Variants in GLIS3 observed in about 807,000 individuals in gnomAD.
GLIS3 encodes the protein zinc finger protein GLIS3.
GLIS3 carries 53 observed loss-of-function variants against 78.6 expected under a neutral mutation model. That is an observed-to-expected ratio of 0.67 (90% CI 0.54 to 0.85). The LOEUF (loss-of-function observed/expected upper bound fraction) is 0.85. Among genes scored for constraint, GLIS3 ranks in the 40% least tolerant of loss-of-function variants. The pLI is 0.00. For missense variants in GLIS3, 1,703 were observed against 1,231.1 expected, an observed-to-expected ratio of 1.38 and a Z score of -5.74; for synonymous variants, 684 against 509.9, an observed-to-expected ratio of 1.34 and a Z score of -4.60.
chr9:3,900,636 T>C (rs572704841), intron 6 of GLIS3, among the ~76,000 whole-genome samples: 54 of 152,290 alleles, frequency 3.5e-4, no homozygotes, highest in African/African-American at 1.2e-3. Flanking sequence ...TATGCAACCA[T>C]TAAAATGGTA....
intron 6 of GLIS3, among the ~76,000 whole-genome samples, chr9:3,922,293 TA>T (rs140228820): frequency 0.032 from 4,916 of 152,282 alleles, 114 homozygotes; most frequent in Middle Eastern, 0.054. Context: ...GAGGGACCCA[TA>T]ATATGATTGC....
At chr9:4,389,614 C>G in the GLIS3 span, among the ~76,000 whole-genome samples, 1 of 152,192 alleles carries the variant, frequency 6.6e-6, no homozygotes, top group Non-Finnish European at 1.5e-5. Flanking sequence ...AAATATACTT[C>G]TTAGTCCTGG....
chr9:4,314,335 T>C (rs563676464), intron 2 of GLIS3, among the ~76,000 whole-genome samples: 1 of 152,224 alleles, frequency 6.6e-6, no homozygotes, highest in African/African-American at 2.4e-5. Context: ...GTCTTGGCAC[T>C]GTGTAGCTAC....
intron 4 of GLIS3, among the ~76,000 whole-genome samples, chr9:4,059,696 C>G (rs1258107731): frequency 2.0e-5 from 3 of 152,110 alleles, no homozygotes; most frequent in Non-Finnish European, 4.4e-5. Flanking sequence ...CTACTTTCTT[C>G]TCACTCTGAC....
At chr9:4,487,178 T>A in the GLIS3 span, among the ~76,000 whole-genome samples, 1 of 152,108 alleles carries the variant, frequency 6.6e-6, no homozygotes, top group African/African-American at 2.4e-5. Flanking sequence ...TTTTGTATTT[T>A]TAGTAGAGAT....
At chr9:4,246,182 A>C (rs1334930650) in intron 2 of GLIS3, among the ~76,000 whole-genome samples, 1 of 152,202 alleles carries the variant, frequency 6.6e-6, no homozygotes, top group Non-Finnish European at 1.5e-5. Context: ...AGCATGATGA[A>C]ACCCTGTCTC....
At chr9:4,385,209 C>CTG in the GLIS3 span, among the ~76,000 whole-genome samples, 1 of 152,158 alleles carries the variant, frequency 6.6e-6, no homozygotes, top group Non-Finnish European at 1.5e-5. Flanking sequence ...CTTCGATTTC[C>CTG]CACATTCCGT....
chr9:4,279,053 GCA>G (rs1234982030), intron 2 of GLIS3, among the ~76,000 whole-genome samples: 2 of 152,042 alleles, frequency 1.3e-5, no homozygotes, highest in Non-Finnish European at 2.9e-5. Flanking sequence ...TGTAATCCCA[GCA>G]CTTTGGGAGG....
the GLIS3 span, among the ~76,000 whole-genome samples, chr9:4,469,985 CA>C: frequency 6.6e-6 from 1 of 151,000 alleles, no homozygotes; most frequent in African/African-American, 2.4e-5. Flanking sequence ...AAACTACCAT[CA>C]GAGAACAGAA....
chr9:4,149,092 C>T (rs970232567), intron 2 of GLIS3, among the ~76,000 whole-genome samples: 2 of 152,118 alleles, frequency 1.3e-5, no homozygotes, highest in Non-Finnish European at 2.9e-5. Context: ...GCTTCCTCAC[C>T]AAGAACTTGT....
chr9:4,187,355 C>G lies in GLIS3; in HGVS notation c.389-61414G>C, dbSNP rs200373030. ...GCTCTGTTCTGTTCCATTGTTCTAT[C>G]TCTCTGTTTTGGTACCAGTACCATG... is the stretch of plus-strand genomic sequence containing the variant. On this transcript the variant is annotated intron_variant, in intron 2 of 10. Transcript: ENST00000381971. Among the ~76,000 whole-genome samples, 3 of 152,160 alleles carry G rather than the reference C, an allele frequency of 2.0e-5. No homozygotes were observed. In the East Asian group the frequency reaches 5.8e-4, roughly 29 times the overall value.
At chr9:3,855,590 T>G (rs1378671995) in intron 9 of GLIS3, 2 of 254,960 alleles carry the variant, frequency 7.8e-6, no homozygotes, top group South Asian at 9.7e-5. Flanking sequence ...AGAGAGGAGG[T>G]GTCATTCCAC....
At position 4,118,193 on chromosome 9, in the gene GLIS3, T is replaced by C; in HGVS notation, c.1285A>G (p.Lys429Glu). The change falls in exon 4 of 11, where the codon AAG (lysine) becomes GAG (glutamate). Residue 429 changes from lysine to glutamate, a missense_variant. Transcript: ENST00000381971. This position sits in a 1 kb window ranked among gnomAD's most constrained non-coding sequence, Gnocchi z 4.7. ...GPDSQSAGLF[K>E]TERLEEFPGS... ...GGGAACTCCTCCAGGCGTTCGGTCTTGAACAGGCCGGCCGACTGGCTGTCG... is the reference window on the plus strand; with the variant it reads ...GGGAACTCCTCCAGGCGTTCGGTCTCGAACAGGCCGGCCGACTGGCTGTCG... 2 of 1,585,532 alleles carry C rather than the reference T, an allele frequency of 1.3e-6. No individual in the cohort carries two copies. The highest frequency in any genetic ancestry group is 1.7e-6 in the Non-Finnish European group (2 of 1,165,674).
chr9:4,020,634 T>C (rs1030038926), intron 4 of GLIS3, among the ~76,000 whole-genome samples: 1 of 152,242 alleles, frequency 6.6e-6, no homozygotes, highest in African/African-American at 2.4e-5. Flanking sequence ...ACCTTTGTTC[T>C]AATCTTGAGA....
chr9:4,360,243 T>G, the GLIS3 span, among the ~76,000 whole-genome samples: 1 of 152,124 alleles, frequency 6.6e-6, no homozygotes, highest in Admixed American at 6.5e-5. Flanking sequence ...ATCAACGCGC[T>G]CTGTGTCTCA....
chr9:4,444,925 T>C, the GLIS3 span, among the ~76,000 whole-genome samples: 29 of 152,358 alleles, frequency 1.9e-4, no homozygotes, highest in African/African-American at 6.3e-4. Flanking sequence ...TCAAAACATC[T>C]CATAAGAAAC....
chr9:4,012,951 T>G (rs1280430770), intron 4 of GLIS3, among the ~76,000 whole-genome samples: 1 of 151,984 alleles, frequency 6.6e-6, no homozygotes, highest in Non-Finnish European at 1.5e-5. Flanking sequence ...TTTTGTATTT[T>G]AAGTAGAGAC....
upstream of GLIS3, among the ~76,000 whole-genome samples, chr9:4,300,362 G>A (rs529684473): frequency 6.7e-6 from 1 of 148,988 alleles, no homozygotes; most frequent in African/African-American, 2.6e-5. Flanking sequence ...AAAAGTGTTA[G>A]TGTTTAGACA....
intron 4 of GLIS3, among the ~76,000 whole-genome samples, chr9:4,013,503 G>A (rs1167432180): frequency 6.6e-6 from 1 of 152,130 alleles, no homozygotes; most frequent in Non-Finnish European, 1.5e-5. Flanking sequence ...AAGTTAATAT[G>A]AATAAAAGAC....
Sources: allele counts gnomAD v4.1 joint callset (sites outside exome capture counted in the v4.1 genomes callset), GRCh38; gene constraint gnomAD v4.1.1; non-coding constraint Gnocchi (gnomAD v3.1); transcripts MANE v1.5; gene names NCBI Gene and HGNC (gene_info 2026-07-23, HGNC 2026-07-21).